Variants in RANBP2 observed in about 807,000 individuals in gnomAD.
RANBP2 encodes the protein E3 SUMO-protein ligase RanBP2.
In RANBP2, 57 loss-of-function variants were observed where a neutral mutation model predicts 303.6. The observed-to-expected ratio is 0.19, with a 90% CI of 0.15 to 0.23. The LOEUF (loss-of-function observed/expected upper bound fraction) is 0.23, where lower values mean the gene tolerates loss of function less well. Ranked by LOEUF, RANBP2 falls within the 10% of genes least tolerant of loss-of-function variation. The pLI, the probability that RANBP2 is intolerant of heterozygous loss-of-function variation, is 1.00. For synonymous variants in RANBP2, 1,167 were observed against 1,301.5 expected, an observed-to-expected ratio of 0.90 and a Z score of 2.23; for missense variants, 3,138 against 3,780.8, an observed-to-expected ratio of 0.83 and a Z score of 4.46.
chr2:108,768,610 TATC>T (rs1677280996), intron 20 of RANBP2, among the ~76,000 whole-genome samples: 1 of 152,234 alleles, frequency 6.6e-6, no homozygotes, highest in Non-Finnish European at 1.5e-5. Context: ...AAGATACTTT[TATC>T]ATGCTAGGGC....
At chr2:108,848,615 A>C in the RANBP2 span, among the ~76,000 whole-genome samples, 4,357 of 152,302 alleles carry the variant, frequency 0.029, 195 homozygotes, top group African/African-American at 0.1. Flanking sequence ...TAAAATTCTA[A>C]TATAGTTTGC....
chr2:109,750,590 C>A, the RANBP2 span, among the ~76,000 whole-genome samples: 1 of 28,474 alleles, frequency 3.5e-5, no homozygotes, highest in Non-Finnish European at 6.5e-5. Flanking sequence ...AGCTACCCTG[C>A]CCTTCTCTCT....
At chr2:108,943,355 T>C in the RANBP2 span, among the ~76,000 whole-genome samples, 1 of 151,884 alleles carries the variant, frequency 6.6e-6, no homozygotes. Flanking sequence ...GGGATCAGAG[T>C]AAAACCTTTC....
the RANBP2 span, among the ~76,000 whole-genome samples, chr2:109,434,161 G>A: frequency 6.6e-6 from 1 of 152,196 alleles, no homozygotes; most frequent in Non-Finnish European, 1.5e-5. Flanking sequence ...TCTAGGTTAG[G>A]GGACTCCCTG....
the RANBP2 span, among the ~76,000 whole-genome samples, chr2:109,033,574 G>A: frequency 6.6e-6 from 1 of 152,180 alleles, no homozygotes; most frequent in Non-Finnish European, 1.5e-5. Flanking sequence ...AAGAAAACAG[G>A]AACTACGGAG....
At position 108,775,753 on chromosome 2, in the gene RANBP2, A is replaced by G. The variant is rs137885034; in HGVS notation, c.8314A>G (p.Thr2772Ala). The G allele has an allele frequency of 6.2e-7, 1 of 1,613,668 alleles. No individual in the cohort carries two copies. The highest frequency in any genetic ancestry group is 8.5e-7 in the Non-Finnish European group (1 of 1,179,920). The change falls in exon 24 of 29, where the codon ACT becomes GCT. Residue 2772 changes from threonine to alanine, a missense_variant. This residue lies in a region of RANBP2 where 497 missense variants were observed against 465.8 expected (regional missense o/e 1.07). Coordinates refer to ENST00000283195, the MANE Select transcript of RANBP2 (RefSeq NM_006267.5). ...GCAGAAATCTCAGACAGAAGAAATA[A>G]CTAGCACAACTGACAGTGTATATAC... Reference protein sequence around the residue: ...EAQKSQTEEITSTTDSVYTGG... With the variant: ...EAQKSQTEEIASTTDSVYTGG...
At chr2:109,407,429 A>G in the RANBP2 span, among the ~76,000 whole-genome samples, 480 of 152,298 alleles carry the variant, frequency 3.2e-3, 1 homozygote, top group African/African-American at 9.3e-3. Flanking sequence ...ATTTGTCTCT[A>G]TGCAGCTTCC....
intron 25 of RANBP2, among the ~76,000 whole-genome samples, chr2:108,777,879 T>G (rs1677996330): frequency 6.6e-6 from 1 of 152,190 alleles, no homozygotes; most frequent in Non-Finnish European, 1.5e-5. Context: ...TGGAATACAT[T>G]TTATTGAGGA....
the RANBP2 span, among the ~76,000 whole-genome samples, chr2:109,662,656 C>T: frequency 6.6e-6 from 1 of 152,188 alleles, no homozygotes; most frequent in African/African-American, 2.4e-5. Flanking sequence ...GGTGATCTGC[C>T]TACCTCAGCT....
chr2:109,110,358 A>C, the RANBP2 span, among the ~76,000 whole-genome samples: 5 of 152,316 alleles, frequency 3.3e-5, no homozygotes, highest in Non-Finnish European at 7.3e-5. Context: ...CCACTAACCC[A>C]GGCAGATGGC....
At chr2:109,562,040 G>A in the RANBP2 span, among the ~76,000 whole-genome samples, 1 of 151,746 alleles carries the variant, frequency 6.6e-6, no homozygotes, top group Non-Finnish European at 1.5e-5. Context: ...GTGAAACCCT[G>A]TCTCTACTAC....
chr2:109,589,201 C>T, the RANBP2 span, among the ~76,000 whole-genome samples: 2 of 151,768 alleles, frequency 1.3e-5, no homozygotes, highest in African/African-American at 4.8e-5. Flanking sequence ...GGAGTGCAGT[C>T]GTGCGACCTT....
chr2:109,342,260 A>G, the RANBP2 span, among the ~76,000 whole-genome samples: 27 of 152,326 alleles, frequency 1.8e-4, no homozygotes, highest in African/African-American at 5.8e-4. Flanking sequence ...GGCAACATGG[A>G]CTGTGAATCT....
the RANBP2 span, among the ~76,000 whole-genome samples, chr2:109,483,341 G>A: frequency 6.6e-6 from 1 of 152,270 alleles, no homozygotes; most frequent in Admixed American, 6.5e-5. Flanking sequence ...CCCCAGTGGT[G>A]CCTCTCACAT....
the RANBP2 span, among the ~76,000 whole-genome samples, chr2:109,445,741 G>A: frequency 0.016 from 2,459 of 152,138 alleles, 65 homozygotes; most frequent in African/African-American, 0.056. Flanking sequence ...AGGGAGGGGT[G>A]TGGGGAAGTA....
chr2:108,984,900 C>A, the RANBP2 span, among the ~76,000 whole-genome samples: 1 of 152,150 alleles, frequency 6.6e-6, no homozygotes, highest in African/African-American at 2.4e-5. Context: ...TGAAATCCTG[C>A]CTGCTTCCTC....
the RANBP2 span, among the ~76,000 whole-genome samples, chr2:109,412,070 C>T: frequency 1.3e-5 from 2 of 152,308 alleles, no homozygotes; most frequent in East Asian, 1.9e-4. Context: ...CTCCTGACAC[C>T]GAGCCCTGTG....
the RANBP2 span, among the ~76,000 whole-genome samples, chr2:108,939,340 C>T: frequency 2.0e-5 from 3 of 152,086 alleles, no homozygotes; most frequent in African/African-American, 7.2e-5. Context: ...GCGTGCGCCA[C>T]CACACTTGGC....
the RANBP2 span, among the ~76,000 whole-genome samples, chr2:109,506,577 T>C: frequency 6.6e-6 from 1 of 152,222 alleles, no homozygotes; most frequent in Non-Finnish European, 1.5e-5. Flanking sequence ...TCACAGCCTT[T>C]TATCTGCATA....
Sources: allele counts gnomAD v4.1 joint callset (sites outside exome capture counted in the v4.1 genomes callset), GRCh38; gene constraint gnomAD v4.1.1; regional missense constraint gnomAD v4.1.1; transcripts MANE v1.5; gene names NCBI Gene and HGNC (gene_info 2026-07-23, HGNC 2026-07-21).